FBP1: variants seen among roughly 807,000 people sequenced by gnomAD.
FBP1 encodes the protein fructose-1,6-bisphosphatase 1.
In FBP1, 22 loss-of-function variants were observed where a neutral mutation model predicts 29.9. That is an observed-to-expected ratio of 0.74 (90% confidence interval 0.53 to 1.05). The LOEUF (loss-of-function observed/expected upper bound fraction) is 1.05, where lower values mean the gene tolerates loss of function less well. FBP1 is among the 50% of genes least tolerant of loss of function. The pLI is 0.00. For missense variants in FBP1, 345 were observed against 448.2 expected (o/e 0.77, Z 2.08); for synonymous variants, 175 against 178.6 (o/e 0.98, Z 0.16).
At position 94,603,485 on chromosome 9, in the gene FBP1, CT is replaced by C. The variant is rs1486263684; in HGVS notation, c.912del (p.Asp305ThrfsTer13). The C allele has an allele frequency of 6.2e-7, 1 of 1,614,146 alleles. No homozygotes were observed. Among genetic ancestry groups the C allele is most frequent in the Non-Finnish European group, 8.5e-7 (1 of 1,180,018 alleles). ...GMATTGKEAV[L>X]DVIPTDIHQR... The stretch of plus-strand genomic sequence containing the variant: ...TGGTGAATGTCTGTGGGAATGACGT[CT>C]AACACGGCCTCCTTCCCAGTGGTGG... On this transcript the variant is annotated frameshift_variant, in exon 7 of 7. Coordinates refer to ENST00000375326, the MANE Select transcript of FBP1 (RefSeq NM_000507.4). LOFTEE classifies it high-confidence loss of function.
chr9:94,635,543 T>C (rs890118967), intron 1 of FBP1, among the ~76,000 whole-genome samples: 4 of 152,336 alleles, frequency 2.6e-5, no homozygotes, highest in African/African-American at 9.6e-5. Context: ...ACTAACAAGA[T>C]CTTTGCAGGA....
At chr9:94,638,745 T>C (rs1828235485) in intron 1 of FBP1, among the ~76,000 whole-genome samples, 1 of 151,790 alleles carries the variant, frequency 6.6e-6, no homozygotes, top group Admixed American at 6.6e-5. Flanking sequence ...AAAGAAGAAA[T>C]GGGGAAGGAA....
chr9:94,622,141 G>C (rs1274614536), intron 1 of FBP1, among the ~76,000 whole-genome samples: 1 of 152,226 alleles, frequency 6.6e-6, no homozygotes, highest in Non-Finnish European at 1.5e-5. Flanking sequence ...CAACCTGCAA[G>C]TCAGTAATTA....
At chr9:94,637,957 A>G (rs1828217087) in intron 1 of FBP1, among the ~76,000 whole-genome samples, 2 of 151,888 alleles carry the variant, frequency 1.3e-5, no homozygotes, top group South Asian at 4.2e-4. Context: ...ATGGTGGCAC[A>G]TGCCTGTAAT....
rs529209078 is a variant in FBP1 at position 94,629,292 on chromosome 9, T to A, written c.171-8801A>T. Among the ~76,000 whole-genome samples, 3 of 152,242 alleles carry A rather than the reference T, an allele frequency of 2.0e-5. No homozygotes were observed. The South Asian group carries it at 6.2e-4, about 32-fold the overall frequency. ...ACCACACCTGGCCAAAGGTTTTTTT[T>A]AATATAGAAAAAGCAGAGCTGATTA... On this transcript the variant is annotated intron_variant, in intron 1 of 6. Transcript: ENST00000375326.
intron 1 of FBP1, among the ~76,000 whole-genome samples, chr9:94,635,699 C>T (rs186942754): frequency 6.6e-6 from 1 of 152,320 alleles, no homozygotes; most frequent in East Asian, 1.9e-4. Flanking sequence ...CAGTGTCCAG[C>T]ATCTAGTCCT....
chr9:94,607,195 T>C (rs558724472), intron 4 of FBP1, among the ~76,000 whole-genome samples: 4 of 152,302 alleles, frequency 2.6e-5, no homozygotes, highest in Non-Finnish European at 4.4e-5. Context: ...TGTTTGCATA[T>C]GATTTCAGTC....
At chr9:94,618,455 T>TAAA (rs59806476) in intron 2 of FBP1, among the ~76,000 whole-genome samples, 3 of 74,602 alleles carry the variant, frequency 4.0e-5, no homozygotes, top group Non-Finnish European at 7.3e-5. Context: ...ACTCCTTCTG[T>TAAA]AAAAAAAAAA....
intron 2 of FBP1, among the ~76,000 whole-genome samples, 197 bp from the exon 3 acceptor site, chr9:94,618,057 CAG>C (rs1027579609): frequency 2.6e-5 from 4 of 152,052 alleles, no homozygotes; most frequent in African/African-American, 7.2e-5. Flanking sequence ...GACCATTAAA[CAG>C]AGAAAATACC....
At chr9:94,605,794 G>A (rs1769255) in intron 5 of FBP1, among the ~76,000 whole-genome samples, 133,294 of 152,158 alleles carry the variant, frequency 0.88, 58,561 homozygotes, top group East Asian at 0.95. Context: ...AGGTCAGATT[G>A]CCCACAGAAG....
chr9:94,634,895 C>T (rs1211675990), intron 1 of FBP1, among the ~76,000 whole-genome samples: 1 of 151,918 alleles, frequency 6.6e-6, no homozygotes, highest in South Asian at 2.1e-4. Flanking sequence ...CCAGTTCGAC[C>T]CTGGTCAACT....
At chr9:94,622,919 C>A (rs1827968919) in intron 1 of FBP1, among the ~76,000 whole-genome samples, 1 of 152,082 alleles carries the variant, frequency 6.6e-6, no homozygotes, top group Non-Finnish European at 1.5e-5. Context: ...CCACTAGCAG[C>A]AGTGCTCTCT....
chr9:94,623,256 A>G (rs932918824), intron 1 of FBP1, among the ~76,000 whole-genome samples: 1 of 152,274 alleles, frequency 6.6e-6, no homozygotes, highest in East Asian at 1.9e-4. Context: ...AAGTGCTGGG[A>G]TTACAGGCAT....
At chr9:94,638,399 A>C (rs1020158210) in intron 1 of FBP1, among the ~76,000 whole-genome samples, 59 of 152,240 alleles carry the variant, frequency 3.9e-4, no homozygotes, top group African/African-American at 1.4e-3. Flanking sequence ...TCCATAGCGC[A>C]TTCAGAACCA....
chr9:94,613,785 G>GGA (rs1563981683), intron 3 of FBP1, among the ~76,000 whole-genome samples: 1 of 144,894 alleles, frequency 6.9e-6, no homozygotes, highest in Non-Finnish European at 1.5e-5. Flanking sequence ...AAAAAAAGAA[G>GGA]AAAAAAAAAA....
At chr9:94,616,047 C>G (rs918446877) in intron 3 of FBP1, among the ~76,000 whole-genome samples, 1 of 152,096 alleles carries the variant, frequency 6.6e-6, no homozygotes, top group Admixed American at 6.6e-5. Context: ...CCAGGATGGT[C>G]TCAATCTCCT....
At chr9:94,607,103 T>C in intron 4 of FBP1, 151 bp from the exon 5 acceptor site, 1 of 880,820 alleles carries the variant, frequency 1.1e-6, no homozygotes, top group Non-Finnish European at 1.9e-6. Flanking sequence ...CCTGCCAGGC[T>C]CTCTGGGAAC....
intron 1 of FBP1, among the ~76,000 whole-genome samples, chr9:94,627,147 A>T (rs10124580): frequency 0.94 from 141,580 of 150,174 alleles, 66,758 homozygotes; most frequent in East Asian, 1. Flanking sequence ...GAGATCACGC[A>T]ATTGCACTCC....
chr9:94,619,099 C>T (rs1827904568), intron 2 of FBP1, among the ~76,000 whole-genome samples: 1 of 152,100 alleles, frequency 6.6e-6, no homozygotes, highest in Non-Finnish European at 1.5e-5. Flanking sequence ...CATGAAGGCC[C>T]ATGATAGACA....
Sources: allele counts gnomAD v4.1 joint callset (sites outside exome capture counted in the v4.1 genomes callset), GRCh38; gene constraint gnomAD v4.1.1; transcripts MANE v1.5; gene names NCBI Gene and HGNC (gene_info 2026-07-23, HGNC 2026-07-21).